The following RAP1GDS1 variants were observed in gnomAD, a reference collection of about 807,000 sequenced individuals.
RAP1GDS1 encodes RAP1, GTP-GDP dissociation stimulator 1.
Under a neutral mutation model 71.1 loss-of-function variants are expected in RAP1GDS1, and 35 were observed. The ratio of observed to expected loss-of-function variants is 0.49; its 90% CI spans 0.38 to 0.65. The LOEUF (loss-of-function observed/expected upper bound fraction) is 0.65. Among genes scored for constraint, RAP1GDS1 ranks in the 30% least tolerant of loss-of-function variants. RAP1GDS1 has a pLI of 0.00. For synonymous variants in RAP1GDS1, 229 were observed against 243.1 expected, an observed-to-expected ratio of 0.94 and a Z score of 0.54; for missense variants, 663 against 706.1, an observed-to-expected ratio of 0.94 and a Z score of 0.69.
intron 4 of RAP1GDS1, among the ~76,000 whole-genome samples, chr4:98,368,532 G>A (rs1739874925): frequency 6.6e-6 from 1 of 152,134 alleles, no homozygotes; most frequent in Non-Finnish European, 1.5e-5. Context: ...GTGACTTTAT[G>A]TTAAAATTGA....
At chr4:98,310,381 A>C (rs1008091112) in intron 2 of RAP1GDS1, among the ~76,000 whole-genome samples, 1 of 152,166 alleles carries the variant, frequency 6.6e-6, no homozygotes, top group African/African-American at 2.4e-5. Context: ...AGAAGCAATG[A>C]GGTATGTTCA....
chr4:98,440,424 G>A (rs1056504543), intron 14 of RAP1GDS1, among the ~76,000 whole-genome samples: 8 of 151,910 alleles, frequency 5.3e-5, no homozygotes, highest in African/African-American at 1.9e-4. Flanking sequence ...ATTAAATACT[G>A]TCATACTCTT....
intron 5 of RAP1GDS1, among the ~76,000 whole-genome samples, chr4:98,386,632 G>A (rs1035827581): frequency 4.6e-5 from 7 of 150,918 alleles, no homozygotes; most frequent in African/African-American, 1.5e-4. Flanking sequence ...GGCTTAAAGC[G>A]ACAATCTGGG....
intron 12 of RAP1GDS1, among the ~76,000 whole-genome samples, chr4:98,429,893 A>G (rs1750148405): frequency 6.6e-6 from 1 of 152,108 alleles, no homozygotes; most frequent in Non-Finnish European, 1.5e-5. Context: ...TAGTATCTTC[A>G]GTATCAACTA....
chr4:98,412,706 G>A (rs4282181), intron 7 of RAP1GDS1, among the ~76,000 whole-genome samples: 10,433 of 152,052 alleles, frequency 0.069, 407 homozygotes, highest in Admixed American at 0.14. Flanking sequence ...CCTAAATGTC[G>A]GCCCATCTGA....
chr4:98,327,075 T>A (rs910937988), intron 2 of RAP1GDS1, among the ~76,000 whole-genome samples: 1 of 152,154 alleles, frequency 6.6e-6, no homozygotes, highest in Admixed American at 6.5e-5. Flanking sequence ...GCTGATAAAT[T>A]CTTCTACTGG....
intron 2 of RAP1GDS1, among the ~76,000 whole-genome samples, chr4:98,326,328 T>C (rs1363784871): frequency 1.3e-5 from 2 of 152,204 alleles, no homozygotes; most frequent in African/African-American, 4.8e-5. Context: ...TTAGGCCATC[T>C]TTTAACCTTT....
intron 13 of RAP1GDS1, among the ~76,000 whole-genome samples, chr4:98,436,086 A>G (rs1237949972): frequency 6.8e-6 from 1 of 148,046 alleles, no homozygotes; most frequent in Non-Finnish European, 1.5e-5. Flanking sequence ...AAAAATATAT[A>G]TATATATATA....
intron 12 of RAP1GDS1, among the ~76,000 whole-genome samples, chr4:98,432,937 T>C (rs1426018481): frequency 6.6e-6 from 1 of 151,602 alleles, no homozygotes; most frequent in East Asian, 1.9e-4. Flanking sequence ...GTCTTATATG[T>C]TTTCTGTGTA....
At chr4:98,419,303 C>G (rs1748470527) in intron 10 of RAP1GDS1, among the ~76,000 whole-genome samples, 1 of 152,110 alleles carries the variant, frequency 6.6e-6, no homozygotes, top group South Asian at 2.1e-4. Flanking sequence ...GTCCACCCAC[C>G]TTTGCCTCCT....
chr4:98,299,574 T>C lies in RAP1GDS1; in HGVS notation c.112+6059T>C, dbSNP rs190547205. ...AATTGCTATAATCTCACGATAAAAC[T>C]TGGGCAGATGAGGAGTCACTTCTTA... is the stretch of plus-strand genomic sequence containing the variant. On this transcript the variant is annotated intron_variant, in intron 2 of 14. Transcript: ENST00000408927. Among the ~76,000 whole-genome samples the C allele has an allele frequency of 1.9e-3, 285 of 152,066 alleles. 1 individual carries two copies. The highest frequency in any genetic ancestry group is 3.5e-3 in the Non-Finnish European group (241 of 67,972).
rs187558586 is a variant in RAP1GDS1 at position 98,275,545 on chromosome 4, A to G, written c.4+13976A>G. Among the ~76,000 whole-genome samples the G allele has an allele frequency of 5.7e-3, 868 of 152,288 alleles. 5 individuals are homozygous for G. The highest frequency in any genetic ancestry group is 9.7e-3 in the Non-Finnish European group (660 of 68,006). Reference sequence around the variant, plus strand: ...TTCCCTTAATTTTATTCAACCATTTATAGAAGTAAAAGCCATTATTTTTGC... The same window carrying G: ...TTCCCTTAATTTTATTCAACCATTTGTAGAAGTAAAAGCCATTATTTTTGC... On this transcript the variant is annotated intron_variant, in intron 1 of 14. Transcript: ENST00000408927.
At chr4:98,435,324 C>T (rs1442611419) in intron 13 of RAP1GDS1, among the ~76,000 whole-genome samples, 1 of 152,080 alleles carries the variant, frequency 6.6e-6, no homozygotes, top group African/African-American at 2.4e-5. Context: ...TATCTGTCTC[C>T]TTGAATGGTC....
chr4:98,266,582 G>A (rs552997327), intron 1 of RAP1GDS1, among the ~76,000 whole-genome samples: 2 of 152,204 alleles, frequency 1.3e-5, no homozygotes, highest in Admixed American at 6.5e-5. Flanking sequence ...TCTAGGCAGG[G>A]TGATAAAATA....
In RAP1GDS1 at chr4:98,416,751, T is replaced by A; in HGVS notation, c.770T>A (p.Ile257Asn). The stretch of plus-strand genomic sequence containing the variant: ...TGTTCACGTTGTTCTTTAGATGCTA[T>A]TAAACTACAGCTGGTTGAAGCAGGC... Reference protein sequence around the residue: ...VLAPLAENDAIKLQLVEAGLV... With the variant: ...VLAPLAENDANKLQLVEAGLV... Residue 257 changes from isoleucine (I) to asparagine (N), a missense_variant, in exon 8 of 15, where the codon ATT becomes AAT. By Grantham distance (149) the Ile-to-Asn change is moderately radical. Coordinates refer to ENST00000408927, the MANE Select transcript of RAP1GDS1 (RefSeq NM_001100427.2). The A allele has an allele frequency of 6.2e-7, 1 of 1,600,848 alleles. No homozygotes were observed. The highest frequency in any genetic ancestry group is 8.6e-7 in the Non-Finnish European group (1 of 1,169,218).
At chr4:98,320,488 G>C (rs529487786) in intron 2 of RAP1GDS1, among the ~76,000 whole-genome samples, 1 of 152,360 alleles carries the variant, frequency 6.6e-6, no homozygotes, top group South Asian at 2.1e-4. Context: ...CTCCCAGCGT[G>C]AGCAACGCAG....
At chr4:98,396,151 G>A (rs975952037) in intron 6 of RAP1GDS1, 1 of 152,076 alleles carries the variant, frequency 6.6e-6, no homozygotes, top group Non-Finnish European at 1.5e-5. Context: ...CATTCATGAG[G>A]GACCTGCCCC....
chr4:98,303,987 G>A (rs1184440828), intron 2 of RAP1GDS1, among the ~76,000 whole-genome samples: 2 of 152,102 alleles, frequency 1.3e-5, no homozygotes, highest in Non-Finnish European at 2.9e-5. Flanking sequence ...GTTTGTTGAG[G>A]ATAATGGCTT....
In RAP1GDS1 at chr4:98,442,529, A is replaced by AAAT. The variant is rs201165975; in HGVS notation, c.*414_*416dup. On this transcript the variant is annotated 3_prime_UTR_variant, in exon 15 of 15. Coordinates refer to ENST00000408927, the MANE Select transcript of RAP1GDS1 (RefSeq NM_001100427.2). Reference sequence around the variant, plus strand: ...TATTAAAGATGAAACTGAATTGGAAAAATAGCTCCATTTTTTGGTGCTTGG... The same window carrying AAAT: ...TATTAAAGATGAAACTGAATTGGAAAAATAATAGCTCCATTTTTTGGTGCTTGG... The AAAT allele has an allele frequency of 0.013, 2,957 of 229,448 alleles. 23 individuals carry two copies. The highest frequency in any genetic ancestry group is 0.023 in the South Asian group (129 of 5,506). 14.2% of individuals were successfully genotyped at this position (229,448 alleles called of 1,614,324 possible). A position where few individuals can be genotyped will look rare whatever the true frequency, so the allele number is the denominator to read the frequency against.
Sources: gnomAD v4.1 joint callset for allele counts (sites outside exome capture counted in the v4.1 genomes callset) on GRCh38, gnomAD v4.1.1 for gene constraint, MANE v1.5 for transcripts, NCBI Gene and HGNC (gene_info 2026-07-23, HGNC 2026-07-21) for gene names.